HSF2BP: variants seen among roughly 807,000 people sequenced by gnomAD.
HSF2BP encodes the protein heat shock factor 2-binding protein.
In HSF2BP, 35 loss-of-function variants were observed where a neutral mutation model predicts 35.0. The observed-to-expected ratio is 1.00, with a 90% CI of 0.76 to 1.32. The LOEUF (loss-of-function observed/expected upper bound fraction) is 1.32. Ranked by LOEUF, HSF2BP falls within the 40% of genes most tolerant of loss-of-function variation. HSF2BP has a pLI of 0.00. For missense variants in HSF2BP, 326 were observed against 321.7 expected (o/e 1.01, Z -0.10); for synonymous variants, 114 against 117.4 (o/e 0.97, Z 0.18).
At chr21:43,642,318 C>T (rs1378978986) in intron 4 of HSF2BP, among the ~76,000 whole-genome samples, 1 of 151,698 alleles carries the variant, frequency 6.6e-6, no homozygotes, top group Non-Finnish European at 1.5e-5. Flanking sequence ...ACTATTATTG[C>T]ACCACTGCAC....
intron 6 of HSF2BP, among the ~76,000 whole-genome samples, chr21:43,619,027 T>G (rs2082303216): frequency 6.6e-6 from 1 of 152,164 alleles, no homozygotes; most frequent in African/African-American, 2.4e-5. Flanking sequence ...TCACCTGGGC[T>G]GGAGTGCAGT....
At chr21:43,501,321 C>T in the HSF2BP span, among the ~76,000 whole-genome samples, 13 of 121,378 alleles carry the variant, frequency 1.1e-4, 4 homozygotes, top group Admixed American at 2.3e-4. Context: ...TCTGTCCCAC[C>T]AGGGACGTGT....
intron 7 of HSF2BP, among the ~76,000 whole-genome samples, chr21:43,592,651 G>T (rs1004700000): frequency 6.6e-6 from 1 of 152,080 alleles, no homozygotes; most frequent in Non-Finnish European, 1.5e-5. Context: ...TAACATACAG[G>T]TTACCCTCAA....
intron 4 of HSF2BP, among the ~76,000 whole-genome samples, chr21:43,642,005 A>C (rs1206544078): frequency 6.6e-6 from 1 of 152,058 alleles, no homozygotes; most frequent in East Asian, 1.9e-4. Flanking sequence ...TTCTATAATA[A>C]GTTTCCAGGG....
chr21:43,592,359 G>A, intron 7 of HSF2BP, 31 bp from the exon 8 acceptor site: 1 of 1,421,850 alleles, frequency 7.0e-7, no homozygotes, highest in South Asian at 1.1e-5. Context: ...GTGTTGGAAT[G>A]CTCCATCCAC....
At chr21:43,629,552 A>C (rs2082429303) in intron 6 of HSF2BP, among the ~76,000 whole-genome samples, 1 of 152,194 alleles carries the variant, frequency 6.6e-6, no homozygotes, top group Non-Finnish European at 1.5e-5. Flanking sequence ...GCAACAAGAG[A>C]ATATTCATGA....
At chr21:43,601,420 C>T (rs775385505) in intron 7 of HSF2BP, among the ~76,000 whole-genome samples, 2 of 152,172 alleles carry the variant, frequency 1.3e-5, no homozygotes, top group South Asian at 2.1e-4. Context: ...GAAGCTGCTG[C>T]GTGTTTTATT....
chr21:43,597,924 A>G lies in HSF2BP; in HGVS notation c.693-5596T>C, dbSNP rs1207449917. Among the ~76,000 whole-genome samples the G allele has an allele frequency of 6.6e-6, 1 of 152,240 alleles. No individual in the cohort carries two copies. The highest frequency in any genetic ancestry group is 1.5e-5 in the Non-Finnish European group (1 of 68,036). ...TATAAAGGGACTAACTAAATATACT[A>G]TGGTACATGTAACACATGCATGCCA... On this transcript the variant is annotated intron_variant, in intron 7 of 8. Coordinates refer to ENST00000291560, the MANE Select transcript of HSF2BP (RefSeq NM_007031.2). This position sits in a 1 kb window ranked among gnomAD's most constrained non-coding sequence, Gnocchi z 4.3.
intron 8 of HSF2BP, among the ~76,000 whole-genome samples, chr21:43,587,724 T>C (rs1457473540): frequency 1.6e-5 from 2 of 123,912 alleles, no homozygotes; most frequent in Non-Finnish European, 3.5e-5. Flanking sequence ...CAAAAAAAAA[T>C]TGCATTAACA....
intron 4 of HSF2BP, among the ~76,000 whole-genome samples, chr21:43,636,210 AAAGAAAAG>A (rs2082553237): frequency 1.8e-4 from 2 of 11,090 alleles, no homozygotes; most frequent in East Asian, 0.011. Flanking sequence ...AAAAGAAAGA[AAAGAAAAG>A]AAAAGAAAAG....
At position 43,626,600 on chromosome 21, in the gene HSF2BP, A is replaced by G. The variant is rs1601689479; in HGVS notation, c.574+3722T>C. ...CACACACACTGGTCTTGTATGGAAAATGTTCTAATCCTGCTGGAACTTCTC... is the reference window on the plus strand; with the variant it reads ...CACACACACTGGTCTTGTATGGAAAGTGTTCTAATCCTGCTGGAACTTCTC... On this transcript the variant is annotated intron_variant, in intron 6 of 8. Transcript: ENST00000291560. 2.0e-5 allele frequency among the ~76,000 whole-genome samples: 3 copies of G among 152,320 alleles called. No homozygotes were observed. The East Asian group carries it at 5.8e-4, about 29-fold the overall frequency.
intron 4 of HSF2BP, 42 bp from the exon 5 acceptor site, chr21:43,633,463 A>T (rs1179745388): frequency 6.7e-7 from 1 of 1,492,132 alleles, no homozygotes; most frequent in Non-Finnish European, 9.1e-7. Context: ...ATAGCATTCA[A>T]CCTTGATATA....
intron 8 of HSF2BP, among the ~76,000 whole-genome samples, chr21:43,575,483 C>A (rs1437362970): frequency 6.6e-6 from 1 of 152,208 alleles, no homozygotes; most frequent in Non-Finnish European, 1.5e-5. Flanking sequence ...AAACTGCCGG[C>A]CTGATTCTTT....
intron 4 of HSF2BP, among the ~76,000 whole-genome samples, chr21:43,634,707 G>GA (rs1368773620): frequency 6.6e-6 from 1 of 152,140 alleles, no homozygotes; most frequent in African/African-American, 2.4e-5. Flanking sequence ...ATGTATTTAA[G>GA]AAAAAAATGG....
chr21:43,605,574 T>C (rs1601655588), intron 7 of HSF2BP, among the ~76,000 whole-genome samples: 1 of 103,288 alleles, frequency 9.7e-6, no homozygotes, highest in Admixed American at 1.1e-4. Context: ...ACCACAAACA[T>C]CCCCCAACAT....
intron 6 of HSF2BP, among the ~76,000 whole-genome samples, chr21:43,620,785 C>A (rs2082323154): frequency 6.6e-6 from 1 of 152,082 alleles, no homozygotes; most frequent in Non-Finnish European, 1.5e-5. Flanking sequence ...CTGAGAAACA[C>A]ATTTGCTGAA....
rs74420396 is a variant in HSF2BP at position 43,597,034 on chromosome 21, C to T, written c.693-4706G>A. Among the ~76,000 whole-genome samples the T allele has an allele frequency of 2.0e-5, 3 of 152,062 alleles. No homozygotes were observed. In the East Asian group the frequency reaches 5.8e-4, roughly 29 times the overall value. On this transcript the variant is annotated intron_variant, in intron 7 of 8. Transcript: ENST00000291560. This position sits in a 1 kb window ranked among gnomAD's most constrained non-coding sequence, Gnocchi z 4.3. The stretch of plus-strand genomic sequence containing the variant: ...GAAGTAAAACCACAGAGTCCAGGGT[C>T]ACCAGGGTGGAAAGAAAGGGAAGAA...
intron 3 of HSF2BP, 42 bp downstream of exon 3, chr21:43,656,545 A>G (rs745503714): frequency 1.9e-6 from 3 of 1,575,600 alleles, no homozygotes; most frequent in Non-Finnish European, 2.6e-6. Flanking sequence ...TGCTAGAACA[A>G]ATTACTGTTA....
chr21:43,623,059 C>A (rs1443719993), intron 6 of HSF2BP, among the ~76,000 whole-genome samples: 4 of 151,720 alleles, frequency 2.6e-5, no homozygotes, highest in African/African-American at 9.7e-5. Flanking sequence ...CCACCTGAGT[C>A]TCTCATAGTG....
Sources: allele counts gnomAD v4.1 joint callset (sites outside exome capture counted in the v4.1 genomes callset), GRCh38; gene constraint gnomAD v4.1.1; non-coding constraint Gnocchi (gnomAD v3.1); transcripts MANE v1.5; gene names NCBI Gene and HGNC (gene_info 2026-07-23, HGNC 2026-07-21).